KHDRBS2: variants seen among roughly 807,000 people sequenced by gnomAD.
KHDRBS2 encodes KH RNA binding domain containing, signal transduction associated 2, also known as KH domain-containing, RNA-binding, signal transduction-associated protein 2.
A neutral mutation model predicts 44.3 loss-of-function variants in KHDRBS2; 26 were observed. The ratio of observed to expected loss-of-function variants is 0.59; its 90% CI spans 0.43 to 0.81. The LOEUF is 0.81. KHDRBS2 is among the 40% of genes least tolerant of loss of function. KHDRBS2 has a pLI of 0.00. For missense variants in KHDRBS2, 476 were observed against 433.1 expected, an observed-to-expected ratio of 1.10 and a Z score of -0.88; for synonymous variants, 194 against 151.1, an observed-to-expected ratio of 1.28 and a Z score of -2.08.
At chr6:61,918,933 G>C (rs1231854148) in intron 4 of KHDRBS2, among the ~76,000 whole-genome samples, 1 of 151,868 alleles carries the variant, frequency 6.6e-6, no homozygotes, top group Non-Finnish European at 1.5e-5. Flanking sequence ...CAGGAATTCT[G>C]AGCTCTAGTT....
At chr6:61,771,450 T>C (rs1001501416) in intron 6 of KHDRBS2, among the ~76,000 whole-genome samples, 26 of 152,058 alleles carry the variant, frequency 1.7e-4, no homozygotes, top group African/African-American at 6.0e-4. Flanking sequence ...CCATCTCACG[T>C]GCAGAGACAC....
At chr6:62,143,096 A>G (rs1474633263) in intron 2 of KHDRBS2, among the ~76,000 whole-genome samples, 1 of 151,914 alleles carries the variant, frequency 6.6e-6, no homozygotes, top group East Asian at 1.9e-4. Context: ...TAATTATAAC[A>G]TAATTGACTT....
intron 6 of KHDRBS2, among the ~76,000 whole-genome samples, chr6:61,869,813 G>A (rs1307016967): frequency 6.6e-6 from 1 of 152,102 alleles, no homozygotes; most frequent in Non-Finnish European, 1.5e-5. Context: ...CTGAGGAACC[G>A]TGGATGCCGG....
Position 62,141,927 on chromosome 6 carries a change from C to T in KHDRBS2, c.219+35258G>A, listed in dbSNP as rs373904187. ...GGCTTAAAAATATGCCTTTCCTAAG[C>T]TTTATCAAACACTATATGAAGGCAA... On this transcript the variant is annotated intron_variant, in intron 2 of 8. Coordinates refer to ENST00000281156, the MANE Select transcript of KHDRBS2 (RefSeq NM_152688.4). Among the ~76,000 whole-genome samples the T allele has an allele frequency of 4.6e-5, 7 of 152,030 alleles. No individual in the cohort carries two copies. The East Asian group carries it at 1.4e-3, about 29-fold the overall frequency.
chr6:62,027,864 C>T (rs1783650528), intron 3 of KHDRBS2, among the ~76,000 whole-genome samples: 1 of 152,078 alleles, frequency 6.6e-6, no homozygotes, highest in Non-Finnish European at 1.5e-5. Flanking sequence ...CTGAGATTTA[C>T]CCTTTTATAA....
chr6:61,765,669 C>A (rs982871845), intron 6 of KHDRBS2, among the ~76,000 whole-genome samples: 14 of 151,736 alleles, frequency 9.2e-5, no homozygotes, highest in African/African-American at 3.1e-4. Context: ...CCTTCTATAC[C>A]CACTTTTTTT....
rs548453149 is a variant in KHDRBS2, at chr6:61,744,800, T to C, written c.811-12036A>G. Among the ~76,000 whole-genome samples the C allele has an allele frequency of 6.6e-5, 10 of 152,268 alleles. No homozygotes were observed. The East Asian group carries it at 1.9e-3, about 29-fold the overall frequency. ...AGGGGAGTACAAGCCAGTAATCTTT[T>C]CTTATTAGGAGAAACAAACCTTGTC... is the stretch of plus-strand genomic sequence containing the variant. On this transcript the variant is annotated intron_variant, in intron 6 of 8. Transcript: ENST00000281156.
rs191350390 is a variant in KHDRBS2, at chr6:62,070,583, C to T, written c.220-22589G>A. On this transcript the variant is annotated intron_variant, in intron 2 of 8. Transcript: ENST00000281156. ...CAATTCCCACCTATGAGTGAGAACA[C>T]GCGGTGTTCGGTTTTTTGTCCTTGC... 6.2e-3 allele frequency among the ~76,000 whole-genome samples: 937 copies of T among 151,638 alleles called. 12 individuals are homozygous for T. The highest frequency in any genetic ancestry group is 0.021 in the African/African-American group (888 of 41,392).
chr6:61,573,074 A>G, the KHDRBS2 span, among the ~76,000 whole-genome samples: 1 of 152,138 alleles, frequency 6.6e-6, no homozygotes, highest in Non-Finnish European at 1.5e-5. Flanking sequence ...AAAACCCTAA[A>G]GACTCAGCCA....
At chr6:62,230,098 G>T (rs1832657753) in intron 1 of KHDRBS2, among the ~76,000 whole-genome samples, 1 of 152,186 alleles carries the variant, frequency 6.6e-6, no homozygotes, top group Non-Finnish European at 1.5e-5. Context: ...CTGAAAATCT[G>T]AATGTAGTAT....
chr6:61,585,674 A>G, the KHDRBS2 span, among the ~76,000 whole-genome samples: 3 of 152,018 alleles, frequency 2.0e-5, no homozygotes, highest in African/African-American at 7.2e-5. Context: ...AAAATTTTTT[A>G]TTTTGAACGT....
chr6:61,638,546 TA>T, the KHDRBS2 span, among the ~76,000 whole-genome samples: 5 of 152,026 alleles, frequency 3.3e-5, no homozygotes, highest in Admixed American at 3.3e-4. Flanking sequence ...CCTAAAACCA[TA>T]AAAACCCTGG....
chr6:61,594,149 A>G, the KHDRBS2 span, among the ~76,000 whole-genome samples: 1 of 152,156 alleles, frequency 6.6e-6, no homozygotes, highest in Non-Finnish European at 1.5e-5. Flanking sequence ...TCACAAAAGT[A>G]TGATTCATCC....
chr6:61,978,275 T>C, intron 3 of KHDRBS2, 63 bp from the exon 4 acceptor site: 4 of 1,309,700 alleles, frequency 3.1e-6, no homozygotes, highest in Non-Finnish European at 3.2e-6. Context: ...TAACATTTAC[T>C]GAGAATATGA....
At chr6:62,071,233 G>T (rs1270075895) in intron 2 of KHDRBS2, among the ~76,000 whole-genome samples, 2 of 152,112 alleles carry the variant, frequency 1.3e-5, no homozygotes, top group African/African-American at 2.4e-5. Flanking sequence ...GTAGATTCTG[G>T]ATATTAGCCC....
At chr6:61,969,648 A>T (rs889082262) in intron 4 of KHDRBS2, among the ~76,000 whole-genome samples, 1 of 152,002 alleles carries the variant, frequency 6.6e-6, no homozygotes, top group African/African-American at 2.4e-5. Context: ...TAAGAAGTAG[A>T]TTAGGAATAA....
chr6:62,025,204 G>T (rs1483122019), intron 3 of KHDRBS2, among the ~76,000 whole-genome samples: 1 of 151,552 alleles, frequency 6.6e-6, no homozygotes, highest in Non-Finnish European at 1.5e-5. Context: ...GAGACAGTCT[G>T]AATTTGGCAT....
At chr6:61,655,008 A>T in the KHDRBS2 span, among the ~76,000 whole-genome samples, 1 of 151,830 alleles carries the variant, frequency 6.6e-6, no homozygotes, top group Non-Finnish European at 1.5e-5. Flanking sequence ...TAGCTGAGAC[A>T]GCTTTCTGGG....
the KHDRBS2 span, among the ~76,000 whole-genome samples, chr6:61,585,629 C>T: frequency 2.0e-5 from 3 of 151,978 alleles, no homozygotes; most frequent in African/African-American, 4.8e-5. Flanking sequence ...TTATAAAGTC[C>T]TGAAATGTGC....
Sources: allele counts gnomAD v4.1 joint callset (sites outside exome capture counted in the v4.1 genomes callset), GRCh38; gene constraint gnomAD v4.1.1; transcripts MANE v1.5; gene names NCBI Gene and HGNC (gene_info 2026-07-23, HGNC 2026-07-21).